MPDZ: variants seen among roughly 807,000 people sequenced by gnomAD.
The protein encoded by MPDZ is multiple PDZ domain crumbs cell polarity complex component, also known as multiple PDZ domain protein.
MPDZ carries 234 observed loss-of-function variants against 239.1 expected under a neutral mutation model. The observed-to-expected ratio is 0.98, with a 90% CI of 0.88 to 1.09. The LOEUF (loss-of-function observed/expected upper bound fraction) is 1.09. MPDZ is among the 50% of genes least tolerant of loss of function. MPDZ has a pLI of 0.00. For synonymous variants in MPDZ, 1,048 were observed against 881.3 expected, an observed-to-expected ratio of 1.19 and a Z score of -3.35; for missense variants, 3,175 against 2,510.0, an observed-to-expected ratio of 1.26 and a Z score of -5.66.
chr9:13,182,269 A>G (rs1953445373), intron 19 of MPDZ, among the ~76,000 whole-genome samples: 1 of 152,130 alleles, frequency 6.6e-6, no homozygotes, highest in Non-Finnish European at 1.5e-5. Context: ...TGTTTATGGT[A>G]TATTTCCAAT....
At chr9:13,259,397 T>C (rs986407805) in intron 1 of MPDZ, among the ~76,000 whole-genome samples, 1 of 152,104 alleles carries the variant, frequency 6.6e-6, no homozygotes, top group Admixed American at 6.5e-5. Context: ...AGGACTCAAA[T>C]TCTGTCATTC....
chr9:13,198,737 C>CTCTCTGTGTGTGTGTGTGTGTG (rs755487892), intron 12 of MPDZ, among the ~76,000 whole-genome samples: 2,901 of 68,708 alleles, frequency 0.042, 176 homozygotes, highest in Non-Finnish European at 0.055. Flanking sequence ...ATCTCTCTCT[C>CTCTCTGTGTGTGTGTGTGTGTG]TGTGTGTGTG....
chr9:13,271,340 C>T (rs1035275751), intron 1 of MPDZ, among the ~76,000 whole-genome samples: 1 of 152,096 alleles, frequency 6.6e-6, no homozygotes, highest in Non-Finnish European at 1.5e-5. Flanking sequence ...CATGCCACTC[C>T]AAAATATGCT....
At chr9:13,146,779 G>A (rs1948493450) in intron 26 of MPDZ, among the ~76,000 whole-genome samples, 1 of 151,926 alleles carries the variant, frequency 6.6e-6, no homozygotes, top group Admixed American at 6.6e-5. Flanking sequence ...TAAAGAAGGA[G>A]TTGAAAAAAC....
rs1362734880 is a variant in MPDZ at position 13,236,247 on chromosome 9, G to GTATATATATATATATATATA, written c.183+11387_183+11388insTATATATATATATATATATA. On this transcript the variant is annotated intron_variant, in intron 3 of 46. Coordinates refer to ENST00000319217, the MANE Select transcript of MPDZ (RefSeq NM_001378778.1). The stretch of plus-strand genomic sequence containing the variant: ...TGTGTATATGTATATGTGTGTGTGT[G>GTATATATATATATATATATA]TGTATATATATATATATATATTTTT... 4.2e-3 allele frequency among the ~76,000 whole-genome samples: 72 copies of GTATATATATATATATATATA among 17,112 alleles called. 19 individuals carry two copies. The highest frequency in any genetic ancestry group is 0.012 in the East Asian group (3 of 256). 11.2% of individuals were successfully genotyped at this position (17,112 alleles called of 152,430 possible). A position where few individuals can be genotyped will look rare whatever the true frequency, so the allele number is the denominator to read the frequency against.
rs189249097 is a variant in MPDZ at position 13,143,363 on chromosome 9, C to A, written c.3840+103G>T. 2.8e-5 allele frequency: 25 copies of A among 884,916 alleles called. No homozygotes were observed. The African/African-American group carries it at 3.0e-4, about 11-fold the overall frequency. The allele number at this position is 884,916 out of a possible 1,614,324, so 54.8% of individuals were successfully genotyped here. A position where few individuals can be genotyped will look rare whatever the true frequency, so the allele number is the denominator to read the frequency against. Reference sequence around the variant, plus strand: ...TTGTTTTTTTGTTTTTTTTTCCCTGCCCAAATGTAGCAAATAGTGAACTGG... The same window carrying A: ...TTGTTTTTTTGTTTTTTTTTCCCTGACCAAATGTAGCAAATAGTGAACTGG... On this transcript the variant is annotated intron_variant, in intron 27 of 46. Coordinates refer to ENST00000319217, the MANE Select transcript of MPDZ (RefSeq NM_001378778.1).
At chr9:13,124,459 C>A (rs1438028838) in intron 35 of MPDZ, among the ~76,000 whole-genome samples, 2 of 152,130 alleles carry the variant, frequency 1.3e-5, no homozygotes, top group Non-Finnish European at 2.9e-5. Flanking sequence ...CTCCACCCCC[C>A]GTTACAGAAA....
At chr9:13,160,830 T>TCATATATATATA (rs1950373029) in intron 23 of MPDZ, among the ~76,000 whole-genome samples, 1 of 37,978 alleles carries the variant, frequency 2.6e-5, no homozygotes, top group Non-Finnish European at 5.3e-5. Context: ...ATTATTAAAA[T>TCATATATATATA]TATATATATA....
chr9:13,258,732 G>C (rs191074878), intron 1 of MPDZ, among the ~76,000 whole-genome samples: 8 of 151,878 alleles, frequency 5.3e-5, no homozygotes, highest in African/African-American at 1.9e-4. Context: ...CATTTTTATA[G>C]GCTTTGATCA....
At chr9:13,221,221 A>G in intron 7 of MPDZ, 151 bp downstream of exon 7, 1 of 765,694 alleles carries the variant, frequency 1.3e-6, no homozygotes, top group Non-Finnish European at 1.9e-6. Context: ...CTAAGACAAC[A>G]TTTTAGGGAC....
intron 3 of MPDZ, among the ~76,000 whole-genome samples, chr9:13,236,035 G>A (rs1352967206): frequency 3.3e-5 from 5 of 151,692 alleles, no homozygotes; most frequent in Non-Finnish European, 5.9e-5. Context: ...TTAAGTGGAT[G>A]AATGAGGAGT....
intron 35 of MPDZ, 26 bp downstream of exon 35, chr9:13,125,190 G>A (rs761827517): frequency 9.1e-6 from 14 of 1,535,538 alleles, no homozygotes; most frequent in Middle Eastern, 2.3e-4. Context: ...ATATGTGCAG[G>A]ACTCTCATGA....
At position 13,205,986 on chromosome 9, in the gene MPDZ, G is replaced by A. The variant is rs113448701; in HGVS notation, c.1404C>T (p.Ala468=). The change falls in exon 11 of 47, where the codon GCC becomes GCT. Residue 468 remains alanine (A), a synonymous_variant. Coordinates refer to ENST00000319217, the MANE Select transcript of MPDZ (RefSeq NM_001378778.1). ...TGACGTCTTCCCTTGACATGAGCTC[G>A]GCTTCCTGCTTCATTCCTCTCCTCA... is the stretch of plus-strand genomic sequence containing the variant. ...TLMRRGMKQE[A]ELMSREDVTK... The A allele has an allele frequency of 7.8e-4, 1,251 of 1,611,142 alleles. 10 individuals are homozygous for A. The African/African-American group carries it at 0.015, about 19-fold the overall frequency.
chr9:13,141,114 G>T (rs551857893), intron 27 of MPDZ, among the ~76,000 whole-genome samples: 18 of 144,162 alleles, frequency 1.2e-4, no homozygotes, highest in Admixed American at 1.2e-3. Context: ...AAAAAAAAAA[G>T]TACTTGGCAT....
At chr9:13,174,102 T>TA (rs1414728042) in intron 21 of MPDZ, among the ~76,000 whole-genome samples, 1 of 152,220 alleles carries the variant, frequency 6.6e-6, no homozygotes, top group East Asian at 1.9e-4. Flanking sequence ...AACTATGTGG[T>TA]AAAAATCTCC....
At chr9:13,160,281 A>G (rs931318382) in intron 23 of MPDZ, among the ~76,000 whole-genome samples, 2 of 152,054 alleles carry the variant, frequency 1.3e-5, no homozygotes, top group African/African-American at 4.8e-5. Flanking sequence ...AAGTTACTTA[A>G]CCTTTCTCTT....
chr9:13,123,809 TCTTCTTATC>T (rs1361623697), intron 35 of MPDZ, among the ~76,000 whole-genome samples: 1 of 152,232 alleles, frequency 6.6e-6, no homozygotes, highest in Non-Finnish European at 1.5e-5. Context: ...ATTTTTGTTT[TCTTCTTATC>T]CTAGAGCATC....
chr9:13,198,737 C>CTCTCTCTGTGTGTGTGTGTGTGTGTGTG lies in MPDZ; in HGVS notation c.1547-2508_1547-2507insCACACACACACACACACACACAGAGAGA, dbSNP rs755487892. 4.0e-4 allele frequency among the ~76,000 whole-genome samples: 28 copies of CTCTCTCTGTGTGTGTGTGTGTGTGTGTG among 69,792 alleles called. 1 individual carries two copies. The highest frequency in any genetic ancestry group is 9.0e-4 in the East Asian group (2 of 2,218). 45.8% of individuals were successfully genotyped at this position (69,792 alleles called of 152,430 possible). ...ATATTTAGGTCTTTAATCTCTCTCT[C>CTCTCTCTGTGTGTGTGTGTGTGTGTGTG]TGTGTGTGTGTGTGTGTGTGTGTGT... is the stretch of plus-strand genomic sequence containing the variant. On this transcript the variant is annotated intron_variant, in intron 12 of 46. Transcript: ENST00000319217.
At chr9:13,126,475 G>A (rs1945133614) in intron 34 of MPDZ, 41 bp downstream of exon 34, 3 of 1,360,100 alleles carry the variant, frequency 2.2e-6, no homozygotes, top group South Asian at 2.5e-5. Context: ...CATGCCCAAG[G>A]ATGGGCCTAC....
Sources: allele counts gnomAD v4.1 joint callset (sites outside exome capture counted in the v4.1 genomes callset), GRCh38; gene constraint gnomAD v4.1.1; transcripts MANE v1.5; gene names NCBI Gene and HGNC (gene_info 2026-07-23, HGNC 2026-07-21).